GMDS: variants seen among roughly 807,000 people sequenced by gnomAD.
The protein encoded by GMDS is GDP-mannose 4,6 dehydratase.
A neutral mutation model predicts 49.9 loss-of-function variants in GMDS; 20 were observed. That is an observed-to-expected ratio of 0.40 (90% CI 0.28 to 0.58). The LOEUF (loss-of-function observed/expected upper bound fraction) is 0.58. GMDS is among the 20% of genes least tolerant of loss of function. GMDS has a pLI of 0.42. For synonymous variants in GMDS, 177 were observed against 178.6 expected (o/e 0.99, Z 0.07); for missense variants, 362 against 481.4 (o/e 0.75, Z 2.32).
intron 6 of GMDS, chr6:1,951,805 T>C: frequency 1.7e-6 from 1 of 604,958 alleles, no homozygotes; most frequent in Non-Finnish European, 2.1e-6. Flanking sequence ...TATAAAACTA[T>C]GTTTATTGTA....
chr6:1,990,245 G>A (rs890325204), intron 4 of GMDS, among the ~76,000 whole-genome samples: 7 of 152,154 alleles, frequency 4.6e-5, no homozygotes, highest in African/African-American at 1.4e-4. Flanking sequence ...GCAGTGAGCC[G>A]AGATGGCACC....
intron 1 of GMDS, among the ~76,000 whole-genome samples, chr6:2,185,313 T>C (rs574641126): frequency 5.3e-5 from 8 of 152,324 alleles, no homozygotes; most frequent in Admixed American, 1.3e-4. Context: ...CTGCAGCATA[T>C]TGGCATGCAT....
intron 6 of GMDS, among the ~76,000 whole-genome samples, chr6:1,941,944 C>G (rs368466669): frequency 6.6e-6 from 1 of 152,142 alleles, no homozygotes; most frequent in African/African-American, 2.4e-5. Context: ...AACCCCGCCT[C>G]GCTCACCTCT....
chr6:2,038,061 G>A (rs191587696), intron 4 of GMDS, among the ~76,000 whole-genome samples: 6 of 152,074 alleles, frequency 3.9e-5, no homozygotes, highest in Admixed American at 3.3e-4. Context: ...AGAGGGTTGG[G>A]GGGGAGGTGG....
rs56327224 is a variant in GMDS at position 2,114,975 on chromosome 6, A to AC, written c.345+795_345+796insG. On this transcript the variant is annotated intron_variant, in intron 4 of 10. Transcript: ENST00000380815. ...AACAAACAAACAAACAAACAAACAAAAAAAAACCTCATACATTTTCTGGAC... is the reference window on the plus strand; with the variant it reads ...AACAAACAAACAAACAAACAAACAAACAAAAAACCTCATACATTTTCTGGAC... Among the ~76,000 whole-genome samples, 860 of 151,324 alleles carry AC rather than the reference A, an allele frequency of 5.7e-3. 4 individuals carry two copies. The highest frequency in any genetic ancestry group is 8.9e-3 in the Non-Finnish European group (601 of 67,568).
At chr6:1,764,632 C>G (rs564890691) in intron 7 of GMDS, among the ~76,000 whole-genome samples, 4 of 152,180 alleles carry the variant, frequency 2.6e-5, no homozygotes, top group Non-Finnish European at 5.9e-5. Context: ...CCTAAGAGAT[C>G]ATCACCGCTC....
intron 3 of GMDS, 129 bp from the exon 4 acceptor site, chr6:2,116,009 T>C (rs1345898442): frequency 1.6e-6 from 1 of 637,406 alleles, no homozygotes; most frequent in South Asian, 1.9e-5. Flanking sequence ...GCTGTACTGA[T>C]GGTTCTGGAG....
Position 1,911,750 on chromosome 6 carries a change from T to C in GMDS, c.771+18353A>G, listed in dbSNP as rs182719785. On this transcript the variant is annotated intron_variant, in intron 7 of 10. Coordinates refer to ENST00000380815, the MANE Select transcript of GMDS (RefSeq NM_001500.4). ...ATTGAACCATTGAAGGATTTAAATG[T>C]TCCTCATTAACTTTTATTAGCCTCA... Among the ~76,000 whole-genome samples the C allele has an allele frequency of 5.8e-4, 88 of 152,300 alleles. 1 individual carries two copies. Among genetic ancestry groups the C allele is most frequent in the Admixed American group, 1.4e-3 (21 of 15,302 alleles).
intron 7 of GMDS, among the ~76,000 whole-genome samples, chr6:1,921,929 T>C (rs1761734226): frequency 6.6e-6 from 1 of 152,114 alleles, no homozygotes; most frequent in Admixed American, 6.5e-5. Flanking sequence ...CACTAATCAA[T>C]ATAAAAAGTC....
At chr6:2,042,296 C>T (rs1014350888) in intron 4 of GMDS, among the ~76,000 whole-genome samples, 14 of 152,294 alleles carry the variant, frequency 9.2e-5, no homozygotes, top group South Asian at 2.1e-4. Context: ...TTATCCACAA[C>T]GGCTAAGGAA....
chr6:2,086,681 C>T (rs1562042048), intron 4 of GMDS, among the ~76,000 whole-genome samples: 1 of 152,232 alleles, frequency 6.6e-6, no homozygotes, highest in African/African-American at 2.4e-5. Flanking sequence ...TCTGCCTGTG[C>T]ACATCAGTTA....
At chr6:2,132,859 T>C (rs1390175262) in intron 1 of GMDS, among the ~76,000 whole-genome samples, 1 of 152,178 alleles carries the variant, frequency 6.6e-6, no homozygotes, top group Non-Finnish European at 1.5e-5. Context: ...AGAACCAGGG[T>C]TCCAAATACA....
Position 2,061,949 on chromosome 6 carries a change from T to C in GMDS, c.345+53822A>G, listed in dbSNP as rs117787100. ...TCAAATGTTTTTACAGCTTTGAATTTTGACTTTAAAACCTGAAATCCTAAG... is the reference window on the plus strand; with the variant it reads ...TCAAATGTTTTTACAGCTTTGAATTCTGACTTTAAAACCTGAAATCCTAAG... On this transcript the variant is annotated intron_variant, in intron 4 of 10. Transcript: ENST00000380815. Among the ~76,000 whole-genome samples, 58 of 152,302 alleles carry C rather than the reference T, an allele frequency of 3.8e-4. 2 individuals carry two copies. The East Asian group carries it at 0.011, about 28-fold the overall frequency.
intron 1 of GMDS, among the ~76,000 whole-genome samples, chr6:2,225,335 A>G (rs902796646): frequency 3.3e-5 from 5 of 152,260 alleles, no homozygotes; most frequent in Middle Eastern, 3.4e-3. Context: ...GTCTCAATAA[A>G]TAAACAAACA....
Position 2,178,476 on chromosome 6 carries a change from T to C in GMDS, c.103-53745A>G, listed in dbSNP as rs567495130. On this transcript the variant is annotated intron_variant, in intron 1 of 10. Coordinates refer to ENST00000380815, the MANE Select transcript of GMDS (RefSeq NM_001500.4). ...CACTGTTTGAAGAGAACACCACCGG[T>C]AGGTGGTGCCATTCATGAAAGCCAT... 2.7e-5 allele frequency among the ~76,000 whole-genome samples: 4 copies of C among 146,916 alleles called. No individual in the cohort carries two copies. The South Asian group carries it at 8.3e-4, about 30-fold the overall frequency.
intron 1 of GMDS, among the ~76,000 whole-genome samples, chr6:2,133,585 GTC>G (rs2127520544): frequency 6.6e-6 from 1 of 152,300 alleles, no homozygotes; most frequent in African/African-American, 2.4e-5. Context: ...AATGTCACTT[GTC>G]AACTCTCTGA....
chr6:2,009,732 T>C (rs1258482233), intron 4 of GMDS, among the ~76,000 whole-genome samples: 1 of 152,172 alleles, frequency 6.6e-6, no homozygotes, highest in Non-Finnish European at 1.5e-5. Flanking sequence ...GGAAAATGAT[T>C]ATTATTACAG....
At chr6:1,625,479 C>G (rs1489482233) in intron 9 of GMDS, 1 of 152,266 alleles carries the variant, frequency 6.6e-6, no homozygotes, top group African/African-American at 2.4e-5. Context: ...CCCGCTTTCC[C>G]CAACTGCTCC....
intron 4 of GMDS, among the ~76,000 whole-genome samples, chr6:2,079,622 G>A (rs1398107680): frequency 3.3e-5 from 5 of 152,028 alleles, no homozygotes; most frequent in Non-Finnish European, 7.4e-5. Flanking sequence ...TCAGTACTTT[G>A]AATGTATCAT....
Sources: gnomAD v4.1 joint callset for allele counts (sites outside exome capture counted in the v4.1 genomes callset) on GRCh38, gnomAD v4.1.1 for gene constraint, MANE v1.5 for transcripts, NCBI Gene and HGNC (gene_info 2026-07-23, HGNC 2026-07-21) for gene names.